Variants in BRINP1 observed in about 807,000 individuals in gnomAD.
BRINP1 encodes the protein BMP/retinoic acid inducible neural specific 1, also known as BMP/retinoic acid-inducible neural-specific protein 1.
In BRINP1, 17 loss-of-function variants were observed where a neutral mutation model predicts 72.9. The ratio of observed to expected loss-of-function variants is 0.23; its 90% CI spans 0.16 to 0.35. The LOEUF (loss-of-function observed/expected upper bound fraction) is 0.35. BRINP1 is among the 10% of genes least tolerant of loss of function. The pLI is 1.00. For missense variants in BRINP1, 850 were observed against 1,001.6 expected (o/e 0.85, Z 2.04); for synonymous variants, 418 against 378.5 (o/e 1.10, Z -1.21).
At chr9:119,266,155 G>A (rs2118943869) in intron 2 of BRINP1, among the ~76,000 whole-genome samples, 1 of 152,294 alleles carries the variant, frequency 6.6e-6, no homozygotes, top group East Asian at 1.9e-4. Flanking sequence ...AGGGAGGGAG[G>A]TCCCATGTTC....
chr9:119,205,638 T>C (rs1325001420), intron 7 of BRINP1, among the ~76,000 whole-genome samples: 1 of 152,120 alleles, frequency 6.6e-6, no homozygotes, highest in African/African-American at 2.4e-5. Flanking sequence ...CCTTCTTCCC[T>C]TGTAATACCT....
rs142350327 is a variant in BRINP1, at chr9:119,265,720, A to G, written c.219-16570T>C. On this transcript the variant is annotated intron_variant, in intron 2 of 7. Coordinates refer to ENST00000265922, the MANE Select transcript of BRINP1 (RefSeq NM_014618.3). ...TGACTTGCTATTCATTCTTTCAATC[A>G]GTACCTTTTTTTAAAACATTTATGT... Among the ~76,000 whole-genome samples the G allele has an allele frequency of 3.5e-3, 535 of 152,312 alleles. 4 individuals carry two copies. Among genetic ancestry groups the G allele is most frequent in the African/African-American group, 0.012 (512 of 41,578 alleles).
intron 1 of BRINP1, among the ~76,000 whole-genome samples, chr9:119,339,299 G>T (rs1265846926): frequency 6.6e-6 from 1 of 152,196 alleles, no homozygotes; most frequent in Non-Finnish European, 1.5e-5. Flanking sequence ...GCCAGATTTG[G>T]CCCACAGATC....
chr9:119,268,406 T>C (rs941072481), intron 2 of BRINP1, among the ~76,000 whole-genome samples: 12 of 152,248 alleles, frequency 7.9e-5, no homozygotes, highest in African/African-American at 2.9e-4. Context: ...AATTGATCTC[T>C]ATCCAAAGTG....
At chr9:119,282,769 T>A (rs1349593347) in intron 2 of BRINP1, 1 of 982,260 alleles carries the variant, frequency 1.0e-6, no homozygotes, top group African/African-American at 1.8e-5. Context: ...ACCCCAAATT[T>A]AATTTTGCCC....
At chr9:119,190,694 T>G (rs1829674580) in intron 7 of BRINP1, among the ~76,000 whole-genome samples, 1 of 151,988 alleles carries the variant, frequency 6.6e-6, no homozygotes, top group African/African-American at 2.4e-5. Context: ...CAGGACCAGA[T>G]GGCTTCATGG....
chr9:119,182,907 G>A (rs901784632), intron 7 of BRINP1, among the ~76,000 whole-genome samples: 1 of 152,162 alleles, frequency 6.6e-6, no homozygotes, highest in African/African-American at 2.4e-5. Flanking sequence ...AATATGCAAT[G>A]AATCTCCACT....
At chr9:119,178,709 A>G (rs917084572) in intron 7 of BRINP1, among the ~76,000 whole-genome samples, 3 of 152,180 alleles carry the variant, frequency 2.0e-5, no homozygotes, top group Admixed American at 1.3e-4. Context: ...TTACAGGCAA[A>G]GAAAAATGAG....
chr9:119,223,925 G>C (rs1317497840), intron 5 of BRINP1, among the ~76,000 whole-genome samples: 1 of 152,032 alleles, frequency 6.6e-6, no homozygotes, highest in African/African-American at 2.4e-5. Flanking sequence ...CAAATAATTT[G>C]TTATGGATCC....
At chr9:119,283,146 GA>G in intron 2 of BRINP1, 1 of 985,032 alleles carries the variant, frequency 1.0e-6, no homozygotes, top group Non-Finnish European at 1.2e-6. Context: ...GGTTGTAAAT[GA>G]GATCATTTGT....
chr9:119,215,535 C>T (rs1436433302), intron 5 of BRINP1, among the ~76,000 whole-genome samples: 1 of 152,088 alleles, frequency 6.6e-6, no homozygotes, highest in Non-Finnish European at 1.5e-5. Flanking sequence ...TTTTTTTTCT[C>T]ATTTATGCTT....
At chr9:119,360,869 C>T (rs959462764) in intron 1 of BRINP1, among the ~76,000 whole-genome samples, 1 of 152,182 alleles carries the variant, frequency 6.6e-6, no homozygotes, top group African/African-American at 2.4e-5. Flanking sequence ...TTGCTAAGAG[C>T]CCTGCTGCTC....
Position 119,313,344 on chromosome 9 carries a change from C to T in BRINP1, c.12G>A (p.Arg4=), listed in dbSNP as rs1350453049. 6 of 1,613,730 alleles carry T rather than the reference C, an allele frequency of 3.7e-6. No individual in the cohort carries two copies. In the South Asian group the frequency reaches 6.6e-5, roughly 18 times the overall value. The change falls in exon 2 of 8, where the codon AGG becomes AGA. Residue 4 remains arginine, a synonymous_variant. Coordinates refer to ENST00000265922, the MANE Select transcript of BRINP1 (RefSeq NM_014618.3). MNW[R]FVELLYFLFI... ...ACAGGAAGTAGAGGAGCTCAACAAA[C>T]CTCCAGTTCATGCTTTTCTGCCGGC...
chr9:119,351,751 A>G (rs1831509619), intron 1 of BRINP1, among the ~76,000 whole-genome samples: 1 of 152,200 alleles, frequency 6.6e-6, no homozygotes, highest in African/African-American at 2.4e-5. Flanking sequence ...TAGGAAAGTC[A>G]ATGAGCAAAG....
chr9:119,219,878 C>G (rs973137554), intron 5 of BRINP1, among the ~76,000 whole-genome samples: 7 of 152,060 alleles, frequency 4.6e-5, no homozygotes, highest in Non-Finnish European at 8.8e-5. Context: ...TACAAGGGCA[C>G]TAGGGGATGA....
At chr9:119,361,886 C>A (rs1011127553) in intron 1 of BRINP1, among the ~76,000 whole-genome samples, 1 of 149,976 alleles carries the variant, frequency 6.7e-6, no homozygotes, top group Non-Finnish European at 1.5e-5. Context: ...TCACTGCAAC[C>A]TCTGCCTCCC....
intron 1 of BRINP1, among the ~76,000 whole-genome samples, chr9:119,316,840 T>C (rs1831129941): frequency 6.6e-6 from 1 of 152,158 alleles, no homozygotes; most frequent in Non-Finnish European, 1.5e-5. Context: ...AGGCATGATT[T>C]TGACTTTCAA....
chr9:119,250,010 AAGGGAGGGAGGGAAGG>A (rs1431947214), intron 2 of BRINP1, among the ~76,000 whole-genome samples: 21 of 125,332 alleles, frequency 1.7e-4, no homozygotes, highest in African/African-American at 5.6e-4. Flanking sequence ...GGGAGAGAGA[AAGGGAGGGAGGGAAGG>A]AGGGAAGGAA....
At chr9:119,171,895 C>A (rs371956391) in intron 7 of BRINP1, among the ~76,000 whole-genome samples, 1 of 122,520 alleles carries the variant, frequency 8.2e-6, no homozygotes, top group Non-Finnish European at 1.6e-5. Flanking sequence ...GGGTACATAA[C>A]GAAATGAAGG....
Sources: allele counts gnomAD v4.1 joint callset (sites outside exome capture counted in the v4.1 genomes callset), GRCh38; gene constraint gnomAD v4.1.1; transcripts MANE v1.5; gene names NCBI Gene and HGNC (gene_info 2026-07-23, HGNC 2026-07-21).